The following CHCHD3 variants were observed in gnomAD, a reference collection of about 807,000 sequenced individuals.
The protein encoded by CHCHD3 is MICOS complex subunit MIC19.
In CHCHD3, 20 loss-of-function variants were observed where a neutral mutation model predicts 38.2. That is an observed-to-expected ratio of 0.52 (90% CI 0.37 to 0.76). The LOEUF (loss-of-function observed/expected upper bound fraction) is 0.76. Among genes scored for constraint, CHCHD3 ranks in the 30% least tolerant of loss-of-function variants. The probability of loss-of-function intolerance (pLI) is 0.00; values close to 1 mark genes in which losing one functional copy is unlikely to be tolerated. For missense variants in CHCHD3, 245 were observed against 279.2 expected (o/e 0.88, Z 0.87); for synonymous variants, 82 against 100.0 (o/e 0.82, Z 1.07).
intron 4 of CHCHD3, among the ~76,000 whole-genome samples, chr7:132,942,948 A>C (rs924266256): frequency 4.6e-5 from 7 of 152,160 alleles, no homozygotes; most frequent in African/African-American, 1.4e-4. Flanking sequence ...ACCATGCACA[A>C]GTAATAAAGG....
intron 5 of CHCHD3, among the ~76,000 whole-genome samples, chr7:132,882,255 C>T (rs956561213): frequency 5.9e-5 from 9 of 151,954 alleles, no homozygotes; most frequent in African/African-American, 1.9e-4. Flanking sequence ...GGTGAATTGC[C>T]GAACAGCCAC....
chr7:133,007,732 T>A (rs754237546), intron 3 of CHCHD3, among the ~76,000 whole-genome samples: 1 of 152,226 alleles, frequency 6.6e-6, no homozygotes, highest in Non-Finnish European at 1.5e-5. Flanking sequence ...TTCTGATTTT[T>A]AGCTTCCTGA....
At chr7:132,975,389 G>A in intron 3 of CHCHD3, 103 bp from the exon 4 acceptor site, 1 of 944,076 alleles carries the variant, frequency 1.1e-6, no homozygotes, top group African/African-American at 1.6e-5. Flanking sequence ...TAGCCAAAAA[G>A]GTCAACAGCT....
At chr7:132,998,127 A>T (rs934224229) in intron 3 of CHCHD3, among the ~76,000 whole-genome samples, 9 of 152,180 alleles carry the variant, frequency 5.9e-5, no homozygotes, top group African/African-American at 2.2e-4. Flanking sequence ...CCTATACAAA[A>T]ATTCAACTAT....
chr7:132,836,097 C>A (rs1563249950), intron 6 of CHCHD3, among the ~76,000 whole-genome samples: 3 of 151,834 alleles, frequency 2.0e-5, no homozygotes, highest in Non-Finnish European at 4.4e-5. Context: ...ATACACCAAC[C>A]AATCACAAAT....
intron 2 of CHCHD3, among the ~76,000 whole-genome samples, chr7:133,040,698 T>A (rs1200044008): frequency 1.3e-5 from 2 of 152,160 alleles, no homozygotes; most frequent in East Asian, 1.9e-4. Context: ...CTTATGAAGA[T>A]CCCCATGAAC....
intron 4 of CHCHD3, among the ~76,000 whole-genome samples, chr7:132,889,825 G>A (rs1003218660): frequency 2.0e-5 from 3 of 152,154 alleles, no homozygotes; most frequent in African/African-American, 7.2e-5. Flanking sequence ...GCTGAGGATG[G>A]AGAGTCACAT....
intron 6 of CHCHD3, among the ~76,000 whole-genome samples, chr7:132,807,766 G>A (rs1806969306): frequency 6.6e-6 from 1 of 150,968 alleles, no homozygotes; most frequent in Non-Finnish European, 1.5e-5. Flanking sequence ...TTGGATAGGT[G>A]GCCAAAGAGT....
intron 6 of CHCHD3, among the ~76,000 whole-genome samples, chr7:132,807,113 GAA>G (rs772597086): frequency 2.0e-5 from 3 of 152,272 alleles, no homozygotes; most frequent in Non-Finnish European, 4.4e-5. Context: ...CCACGCATGA[GAA>G]AAAAGCAGTA....
intron 4 of CHCHD3, among the ~76,000 whole-genome samples, chr7:132,970,401 G>A (rs1421391682): frequency 6.6e-6 from 1 of 152,112 alleles, no homozygotes; most frequent in Non-Finnish European, 1.5e-5. Flanking sequence ...ACTGCTTACT[G>A]TTTGCTCAGC....
At chr7:132,989,896 T>A (rs2117367912) in intron 3 of CHCHD3, among the ~76,000 whole-genome samples, 1 of 152,298 alleles carries the variant, frequency 6.6e-6, no homozygotes, top group Admixed American at 6.5e-5. Flanking sequence ...TCAAATGTCA[T>A]AATATTCAAT....
chr7:132,862,161 G>T (rs190985161), intron 5 of CHCHD3, among the ~76,000 whole-genome samples: 26 of 151,864 alleles, frequency 1.7e-4, no homozygotes, highest in Admixed American at 8.5e-4. Flanking sequence ...AGAAACGAAT[G>T]AAATAAGGCA....
At chr7:133,014,848 G>C (rs955194730) in intron 3 of CHCHD3, among the ~76,000 whole-genome samples, 2 of 151,728 alleles carry the variant, frequency 1.3e-5, no homozygotes, top group East Asian at 3.9e-4. Flanking sequence ...TCAGGAAATC[G>C]CTAGTGAGCA....
intron 1 of CHCHD3, among the ~76,000 whole-genome samples, chr7:133,078,292 G>T (rs542663678): frequency 6.6e-6 from 1 of 152,208 alleles, no homozygotes; most frequent in Non-Finnish European, 1.5e-5. Flanking sequence ...CTGGGTGACA[G>T]AGCAAGACTC....
intron 6 of CHCHD3, among the ~76,000 whole-genome samples, chr7:132,797,929 T>C (rs1050397278): frequency 6.6e-6 from 1 of 152,202 alleles, no homozygotes; most frequent in Non-Finnish European, 1.5e-5. Context: ...TTAGTCTTAA[T>C]ACAAGAAGCT....
chr7:132,837,094 C>T (rs1475178463), intron 6 of CHCHD3, among the ~76,000 whole-genome samples: 1 of 152,178 alleles, frequency 6.6e-6, no homozygotes, highest in Non-Finnish European at 1.5e-5. Flanking sequence ...ACTAAAAAGT[C>T]ATCTTCTTTA....
intron 4 of CHCHD3, among the ~76,000 whole-genome samples, chr7:132,916,529 G>A (rs1320875813): frequency 6.6e-6 from 1 of 152,110 alleles, no homozygotes; most frequent in Non-Finnish European, 1.5e-5. Flanking sequence ...TTTTATTATA[G>A]TATATTGTTA....
intron 1 of CHCHD3, among the ~76,000 whole-genome samples, chr7:133,071,097 C>G (rs1363957420): frequency 6.6e-6 from 1 of 152,170 alleles, no homozygotes; most frequent in African/African-American, 2.4e-5. Context: ...AACACACAGC[C>G]TTGCGGATTT....
intron 5 of CHCHD3, among the ~76,000 whole-genome samples, chr7:132,863,362 T>C (rs1808540696): frequency 6.6e-6 from 1 of 152,214 alleles, no homozygotes; most frequent in Admixed American, 6.5e-5. Context: ...AAATGTTTTT[T>C]GTGAGAGGTA....
Sources: gnomAD v4.1 joint callset for allele counts (sites outside exome capture counted in the v4.1 genomes callset) on GRCh38, gnomAD v4.1.1 for gene constraint, MANE v1.5 for transcripts, NCBI Gene and HGNC (gene_info 2026-07-23, HGNC 2026-07-21) for gene names.